PXDNL: variants seen among roughly 807,000 people sequenced by gnomAD.
PXDNL encodes peroxidasin like.
In PXDNL, 145 loss-of-function variants were observed where a neutral mutation model predicts 150.8. The observed-to-expected ratio is 0.96, with a 90% CI of 0.84 to 1.10. The LOEUF is 1.10. Among genes scored for constraint, PXDNL ranks in the 50% least tolerant of loss-of-function variants. The pLI, the probability that PXDNL is intolerant of heterozygous loss-of-function variation, is 0.00. For missense variants in PXDNL, 2,087 were observed against 1,873.9 expected (o/e 1.11, Z -2.10); for synonymous variants, 757 against 725.7 (o/e 1.04, Z -0.69).
At chr8:51,489,724 A>G (rs1338615892) in intron 5 of PXDNL, among the ~76,000 whole-genome samples, 1 of 152,238 alleles carries the variant, frequency 6.6e-6, no homozygotes, top group Non-Finnish European at 1.5e-5. Context: ...TTCTTCAAAG[A>G]TCAAGGGAAA....
At chr8:51,554,132 A>G (rs755205378) in intron 4 of PXDNL, among the ~76,000 whole-genome samples, 3 of 152,208 alleles carry the variant, frequency 2.0e-5, no homozygotes, top group Non-Finnish European at 4.4e-5. Context: ...AATACATACT[A>G]AAACATAAAT....
chr8:51,482,021 C>T (rs573604161), intron 6 of PXDNL, among the ~76,000 whole-genome samples: 5 of 152,172 alleles, frequency 3.3e-5, no homozygotes, highest in Admixed American at 1.3e-4. Context: ...AGAAGGCCAA[C>T]GTCCTCCAGA....
intron 1 of PXDNL, among the ~76,000 whole-genome samples, chr8:51,770,701 T>G (rs1407747681): frequency 1.3e-5 from 2 of 152,248 alleles, no homozygotes; most frequent in African/African-American, 4.8e-5. Flanking sequence ...AAAATCACTC[T>G]TATATCACCA....
chr8:51,583,204 A>G (rs1813247602), intron 3 of PXDNL, among the ~76,000 whole-genome samples: 1 of 152,118 alleles, frequency 6.6e-6, no homozygotes, highest in Non-Finnish European at 1.5e-5. Context: ...TATAAAGAAG[A>G]GAGTTTTATT....
chr8:51,799,735 G>A (rs1265198604), intron 1 of PXDNL, among the ~76,000 whole-genome samples: 1 of 152,206 alleles, frequency 6.6e-6, no homozygotes, highest in African/African-American at 2.4e-5. Flanking sequence ...ACGGCTCCAG[G>A]TAAGGAGGCA....
At chr8:51,552,253 A>T (rs1014808516) in intron 4 of PXDNL, among the ~76,000 whole-genome samples, 16 of 151,802 alleles carry the variant, frequency 1.1e-4, no homozygotes, top group Non-Finnish European at 2.4e-4. Context: ...TAATACAACC[A>T]CTATGGAAAA....
chr8:51,415,580 G>A (rs1808775737), intron 14 of PXDNL, among the ~76,000 whole-genome samples: 1 of 152,136 alleles, frequency 6.6e-6, no homozygotes. Flanking sequence ...GATTACAACT[G>A]GACATGAGAT....
chr8:51,429,025 G>A (rs912446469), intron 12 of PXDNL, among the ~76,000 whole-genome samples: 1 of 21,198 alleles, frequency 4.7e-5, no homozygotes, highest in Non-Finnish European at 2.2e-4. Context: ...ATGGGCAAAA[G>A]GCATGACATT....
intron 14 of PXDNL, among the ~76,000 whole-genome samples, chr8:51,415,448 G>A (rs1263309999): frequency 6.6e-6 from 1 of 152,154 alleles, no homozygotes; most frequent in Non-Finnish European, 1.5e-5. Context: ...AGAGAGCAAA[G>A]GGAGAGAGGC....
chr8:51,409,347 G>T lies in PXDNL; in HGVS notation c.2277C>A (p.Asp759Glu), dbSNP rs199714889. ...FARLLQPAYR[D>E]GIRAPRGLGL... ...CGAGCCCGCGGGGCGCGCGGATGCCGTCCCGGTAGGCTGGCTGCAGCAGGC... is the reference window on the plus strand; with the variant it reads ...CGAGCCCGCGGGGCGCGCGGATGCCTTCCCGGTAGGCTGGCTGCAGCAGGC... The change falls in exon 17 of 23, where the codon GAC becomes GAA. Residue 759 changes from aspartate to glutamate, a missense_variant. Coordinates refer to ENST00000356297, the MANE Select transcript of PXDNL (RefSeq NM_144651.5). The T allele has an allele frequency of 3.3e-6, 5 of 1,521,680 alleles. No individual in the cohort carries two copies. The African/African-American group carries it at 4.3e-5, about 13-fold the overall frequency. The allele number at this position is 1,521,680 out of a possible 1,614,324, so 94.3% of individuals were successfully genotyped here.
intron 1 of PXDNL, among the ~76,000 whole-genome samples, chr8:51,717,017 C>T (rs1357822648): frequency 2.6e-5 from 4 of 152,174 alleles, no homozygotes; most frequent in African/African-American, 7.2e-5. Context: ...TTGCACCATA[C>T]AAGACCAGAG....
intron 18 of PXDNL, 111 bp from the exon 19 acceptor site, chr8:51,372,192 C>T: frequency 1.4e-6 from 1 of 691,910 alleles, no homozygotes; most frequent in South Asian, 1.9e-5. Flanking sequence ...AAGACGCATA[C>T]TGAAAGAATT....
At chr8:51,771,544 T>C (rs1328308175) in intron 1 of PXDNL, among the ~76,000 whole-genome samples, 2 of 152,074 alleles carry the variant, frequency 1.3e-5, no homozygotes, top group African/African-American at 4.8e-5. Flanking sequence ...AAGACCCCTA[T>C]CCTTGGGGGC....
intron 2 of PXDNL, among the ~76,000 whole-genome samples, chr8:51,628,333 C>CTTTA (rs1031809393): frequency 1.4e-5 from 2 of 142,296 alleles, no homozygotes; most frequent in African/African-American, 5.5e-5. Flanking sequence ...CTCTCTTCTT[C>CTTTA]TTTATTTCTT....
At chr8:51,499,849 C>T (rs1811145723) in intron 4 of PXDNL, 79 bp from the exon 5 acceptor site, 1 of 910,114 alleles carries the variant, frequency 1.1e-6, no homozygotes, top group Non-Finnish European at 1.8e-6. Context: ...GCAATTGCTT[C>T]AGCTGAAATT....
intron 3 of PXDNL, among the ~76,000 whole-genome samples, chr8:51,574,305 T>C (rs1813006691): frequency 6.6e-6 from 1 of 151,910 alleles, no homozygotes; most frequent in Admixed American, 6.6e-5. Flanking sequence ...AGTGGCAGGA[T>C]GGAGAGGACA....
intron 3 of PXDNL, among the ~76,000 whole-genome samples, chr8:51,573,050 T>C (rs1330367030): frequency 1.3e-5 from 2 of 151,894 alleles, no homozygotes; most frequent in Non-Finnish European, 2.9e-5. Flanking sequence ...TATCAATGAG[T>C]ACAGATGACA....
intron 1 of PXDNL, 43 bp from the exon 2 acceptor site, chr8:51,654,803 T>G (rs747186397): frequency 6.9e-7 from 1 of 1,439,294 alleles, no homozygotes; most frequent in East Asian, 2.3e-5. Flanking sequence ...ATATGTTGAC[T>G]GCATTCTGCC....
chr8:51,550,520 G>A (rs1378517054), intron 4 of PXDNL, among the ~76,000 whole-genome samples: 1 of 152,034 alleles, frequency 6.6e-6, no homozygotes, highest in South Asian at 2.1e-4. Context: ...ATGTAGGGTT[G>A]GTTTAACATA....
Sources: gnomAD v4.1 joint callset for allele counts (sites outside exome capture counted in the v4.1 genomes callset) on GRCh38, gnomAD v4.1.1 for gene constraint, MANE v1.5 for transcripts, NCBI Gene and HGNC (gene_info 2026-07-23, HGNC 2026-07-21) for gene names.